SMG1: variants seen among roughly 807,000 people sequenced by gnomAD.
SMG1 encodes serine/threonine-protein kinase SMG1.
In SMG1, 22 loss-of-function variants were observed where a neutral mutation model predicts 419.9. The ratio of observed to expected loss-of-function variants is 0.05; its 90% CI spans 0.04 to 0.07. SMG1 has a LOEUF of 0.07. Among genes scored for constraint, SMG1 ranks in the 10% least tolerant of loss-of-function variants. The pLI is 1.00. For synonymous variants in SMG1, 1,538 were observed against 1,553.5 expected, an observed-to-expected ratio of 0.99 and a Z score of 0.23; for missense variants, 3,185 against 4,342.0, an observed-to-expected ratio of 0.73 and a Z score of 7.49.
chr16:18,866,303 C>T (rs928186048), intron 23 of SMG1: 3 of 381,340 alleles, frequency 7.9e-6, no homozygotes, highest in African/African-American at 4.1e-5. Flanking sequence ...AATACTCTGA[C>T]AATAAAGGGT....
At chr16:18,832,883 T>C in intron 51 of SMG1, 57 bp downstream of exon 51, 2 of 1,469,704 alleles carry the variant, frequency 1.4e-6, no homozygotes, top group Non-Finnish European at 1.9e-6. Flanking sequence ...TCAGAATCCC[T>C]TTCTCTGGCT....
chr16:18,842,469 T>C lies in SMG1; in HGVS notation c.6220-15A>G. ...CTTAGCATTATCTATATTCATAAGA[T>C]GGGAGAAACAAATTTACATTACATT... On this transcript the variant is annotated splice_polypyrimidine_tract_variant and intron_variant, in intron 39 of 62. Coordinates refer to ENST00000446231, the MANE Select transcript of SMG1 (RefSeq NM_015092.5). 6.2e-7 allele frequency: 1 copy of C among 1,607,522 alleles called. No individual in the cohort carries two copies. Among genetic ancestry groups the C allele is most frequent in the South Asian group, 1.1e-5 (1 of 90,814 alleles).
chr16:18,875,958 G>A, intron 13 of SMG1, 166 bp downstream of exon 13: 2 of 713,688 alleles, frequency 2.8e-6, no homozygotes, highest in Non-Finnish European at 4.6e-6. Flanking sequence ...ATAATGCCAA[G>A]AAAACATTCC....
intron 29 of SMG1, among the ~76,000 whole-genome samples, chr16:18,855,576 T>G (rs1233065109): frequency 6.6e-6 from 1 of 152,114 alleles, no homozygotes; most frequent in Admixed American, 6.5e-5. Context: ...CCTCCAAATC[T>G]TTTACTCCCT....
Position 18,852,476 on chromosome 16 carries a change from C to A in SMG1, c.4769-14G>T. 3 of 1,492,058 alleles carry A rather than the reference C, an allele frequency of 2.0e-6. No individual in the cohort carries two copies. Among genetic ancestry groups the A allele is most frequent in the Admixed American group, 2.5e-5 (1 of 40,266 alleles). 92.4% of individuals were successfully genotyped at this position (1,492,058 alleles called of 1,614,324 possible). ...CTCCAATATGCACTGCCAAAATGGA[C>A]AAAAAAATAATTATAATAAAAGAAC... On this transcript the variant is annotated splice_polypyrimidine_tract_variant and intron_variant, in intron 31 of 62. Coordinates refer to ENST00000446231, the MANE Select transcript of SMG1 (RefSeq NM_015092.5).
intron 13 of SMG1, among the ~76,000 whole-genome samples, chr16:18,874,253 C>T (rs1350508853): frequency 6.6e-6 from 1 of 152,016 alleles, no homozygotes; most frequent in African/African-American, 2.4e-5. Flanking sequence ...ATTCTCCCAA[C>T]TTAGCCTCCA....
At chr16:18,849,498 A>C in intron 35 of SMG1, 120 bp from the exon 36 acceptor site, 1 of 942,740 alleles carries the variant, frequency 1.1e-6, no homozygotes, top group Non-Finnish European at 1.6e-6. Context: ...GGATTTTAAG[A>C]GTTCAAATTT....
chr16:18,894,301 T>C (rs551359490), intron 3 of SMG1, among the ~76,000 whole-genome samples: 1 of 152,068 alleles, frequency 6.6e-6, no homozygotes, highest in East Asian at 1.9e-4. Context: ...GAAACTACAA[T>C]GTCTGAGAGA....
chr16:18,922,190 ATC>A (rs1034817175), intron 1 of SMG1, among the ~76,000 whole-genome samples: 2 of 152,214 alleles, frequency 1.3e-5, no homozygotes, highest in Non-Finnish European at 2.9e-5. Context: ...CATCATTCTG[ATC>A]TCTGTCTTGA....
intron 60 of SMG1, among the ~76,000 whole-genome samples, chr16:18,813,847 C>G (rs1596456253): frequency 6.6e-6 from 1 of 151,544 alleles, no homozygotes; most frequent in South Asian, 2.1e-4. Context: ...GCCTAGCCAA[C>G]ATGGCAAAAT....
At position 18,871,471 on chromosome 16, in the gene SMG1, A is replaced by C. The variant is rs1181054617; in HGVS notation, c.2195T>G (p.Met732Arg). The C allele has an allele frequency of 6.3e-7, 1 of 1,578,322 alleles. No homozygotes were observed. The highest frequency in any genetic ancestry group is 8.6e-7 in the Non-Finnish European group (1 of 1,165,762). ...NLNQDTRKLL[M>R]TWALEAAVLM... ...AACAGCTGCTTCCAAAGCCCAAGTC[A>C]TTAACAGTTTCCTGAAACACAAAAT... The change falls in exon 16 of 63, where the codon ATG becomes AGG. Residue 732 changes from methionine to arginine, a missense_variant. This residue lies in a region of SMG1 where 297 missense variants were observed against 491.0 expected (regional missense o/e 0.60). Coordinates refer to ENST00000446231, the MANE Select transcript of SMG1 (RefSeq NM_015092.5).
chr16:18,817,933 C>A (rs2032158370), intron 56 of SMG1, among the ~76,000 whole-genome samples: 2 of 152,008 alleles, frequency 1.3e-5, no homozygotes, highest in Admixed American at 1.3e-4. Context: ...GACAAGGTCT[C>A]CCCTGTTGCC....
intron 57 of SMG1, 31 bp downstream of exon 57, chr16:18,817,256 CTTAT>C (rs776471040): frequency 1.3e-5 from 20 of 1,560,758 alleles, no homozygotes; most frequent in Non-Finnish European, 1.7e-5. Flanking sequence ...TAACACTAGC[CTTAT>C]TTAATCAAGT....
intron 36 of SMG1, among the ~76,000 whole-genome samples, chr16:18,848,794 C>T (rs1235200629): frequency 1.3e-5 from 2 of 151,746 alleles, no homozygotes; most frequent in South Asian, 4.2e-4. Flanking sequence ...AACCTACAGC[C>T]GGGCACGGTG....
intron 1 of SMG1, among the ~76,000 whole-genome samples, chr16:18,901,292 T>C (rs186323037): frequency 0.012 from 1,877 of 152,280 alleles, 47 homozygotes; most frequent in African/African-American, 0.043. Context: ...GGCATGACCA[T>C]AGCTCACTGC....
rs1183551613 is a variant in SMG1 at position 18,850,551 on chromosome 16, T to A, written c.5053-84A>T. 13 of 895,362 alleles carry A rather than the reference T, an allele frequency of 1.5e-5. No individual in the cohort carries two copies. In the East Asian group the frequency reaches 2.9e-4, roughly 20 times the overall value. 55.5% of individuals were successfully genotyped at this position (895,362 alleles called of 1,614,324 possible). ...TATGTAATTTGACTATCATAAAAAA[T>A]TCTTCTCATATATAAAAGATAAAAT... On this transcript the variant is annotated intron_variant, in intron 33 of 62. Transcript: ENST00000446231.
At chr16:18,889,266 A>T in intron 6 of SMG1, 106 bp downstream of exon 6, 1 of 492,768 alleles carries the variant, frequency 2.0e-6, no homozygotes, top group Non-Finnish European at 3.7e-6. Context: ...ATCAGTAGAT[A>T]ACCCCTATTC....
In SMG1 at chr16:18,837,380, C is replaced by G; in HGVS notation, c.7477G>C (p.Asp2493His). 2 of 1,614,016 alleles carry G rather than the reference C, an allele frequency of 1.2e-6. No individual in the cohort carries two copies. Among genetic ancestry groups the G allele is most frequent in the Non-Finnish European group, 1.7e-6 (2 of 1,179,896 alleles). Residue 2493 changes from aspartate (D) to histidine (H), a missense_variant, in exon 46 of 63, where the codon GAT becomes CAT. Physicochemically the swap from Asp to His is moderately conservative, Grantham distance 81. This residue lies in a region of SMG1 where 412 missense variants were observed against 546.6 expected (regional missense o/e 0.75). Transcript: ENST00000446231. ...TGCTCTTGCAAGCTTAGGTATTCAT[C>G]TAAGCTACCGTCCAACTTGGGAAGC... ...VVLPKLDGSL[D>H]EYLSLQEQLT...
In SMG1 at chr16:18,858,164, A is replaced by G. The variant is rs558277751; in HGVS notation, c.4234+6T>C. 21 of 1,537,708 alleles carry G rather than the reference A, an allele frequency of 1.4e-5. No individual in the cohort carries two copies. In the South Asian group the frequency reaches 2.4e-4, roughly 17 times the overall value. On this transcript the variant is annotated splice_donor_region_variant and intron_variant, in intron 29 of 62. Coordinates refer to ENST00000446231, the MANE Select transcript of SMG1 (RefSeq NM_015092.5). The stretch of plus-strand genomic sequence containing the variant: ...TTTTCTCTTACAAGAAAAAAAAACC[A>G]CTTACCTTTAATTTTCTCCAACAAC...
Sources: allele counts gnomAD v4.1 joint callset (sites outside exome capture counted in the v4.1 genomes callset), GRCh38; gene constraint gnomAD v4.1.1; regional missense constraint gnomAD v4.1.1; transcripts MANE v1.5; gene names NCBI Gene and HGNC (gene_info 2026-07-23, HGNC 2026-07-21).